Variants in AOAH observed in about 807,000 individuals in gnomAD.
The protein encoded by AOAH is acyloxyacyl hydrolase (neutrophil).
AOAH carries 64 observed loss-of-function variants against 92.2 expected under a neutral mutation model. That is an observed-to-expected ratio of 0.69 (90% CI 0.57 to 0.86). AOAH has a LOEUF of 0.86. AOAH is among the 40% of genes least tolerant of loss of function. The probability of loss-of-function intolerance (pLI) is 0.00; values close to 1 mark genes in which losing one functional copy is unlikely to be tolerated. For missense variants in AOAH, 656 were observed against 694.6 expected, an observed-to-expected ratio of 0.94 and a Z score of 0.62; for synonymous variants, 263 against 254.5, an observed-to-expected ratio of 1.03 and a Z score of -0.32.
At chr7:36,526,279 G>T (rs1293359066) in intron 19 of AOAH, among the ~76,000 whole-genome samples, 2 of 152,100 alleles carry the variant, frequency 1.3e-5, no homozygotes, top group Admixed American at 1.3e-4. Context: ...TCCCCCATAT[G>T]ATTATTATGT....
At chr7:36,647,573 C>A (rs1562655479) in intron 4 of AOAH, among the ~76,000 whole-genome samples, 1 of 152,142 alleles carries the variant, frequency 6.6e-6, no homozygotes, top group Admixed American at 6.5e-5. Flanking sequence ...TTCCACTTAT[C>A]GGAAGTCAAT....
intron 4 of AOAH, among the ~76,000 whole-genome samples, chr7:36,658,305 T>G (rs770998519): frequency 1.1e-4 from 16 of 152,222 alleles, no homozygotes; most frequent in Non-Finnish European, 2.1e-4. Context: ...CATTTTAACA[T>G]GAATAAAAAG....
chr7:36,723,265 A>G (rs1250183191), intron 1 of AOAH, among the ~76,000 whole-genome samples: 2 of 152,158 alleles, frequency 1.3e-5, no homozygotes, highest in Non-Finnish European at 2.9e-5. Context: ...CACCACTATT[A>G]TGAGAATTCC....
intron 9 of AOAH, among the ~76,000 whole-genome samples, chr7:36,620,060 A>C (rs1399776575): frequency 1.4e-5 from 2 of 146,600 alleles, no homozygotes. Context: ...TAAACCAGAA[A>C]TGAGATCTCA....
intron 20 of AOAH, among the ~76,000 whole-genome samples, chr7:36,515,184 A>G (rs1174998837): frequency 8.6e-6 from 1 of 116,022 alleles, no homozygotes; most frequent in Non-Finnish European, 1.8e-5. Flanking sequence ...CATCACACAT[A>G]CCCCCCACAC....
intron 9 of AOAH, among the ~76,000 whole-genome samples, chr7:36,618,654 G>A (rs979477838): frequency 6.6e-6 from 1 of 152,204 alleles, no homozygotes; most frequent in Non-Finnish European, 1.5e-5. Flanking sequence ...TCCACTGAGT[G>A]ACTGGACACA....
At chr7:36,608,342 A>G (rs1791155052) in intron 11 of AOAH, among the ~76,000 whole-genome samples, 1 of 152,136 alleles carries the variant, frequency 6.6e-6, no homozygotes, top group Non-Finnish European at 1.5e-5. Context: ...TTGATTCTGG[A>G]GATAAGTGAC....
At chr7:36,593,810 A>C (rs1252091613) in intron 12 of AOAH, among the ~76,000 whole-genome samples, 1 of 152,172 alleles carries the variant, frequency 6.6e-6, no homozygotes, top group Non-Finnish European at 1.5e-5. Context: ...ACACTTGCCA[A>C]GTTTCACCAG....
chr7:36,628,112 G>T (rs1792807870), intron 6 of AOAH, among the ~76,000 whole-genome samples: 1 of 152,118 alleles, frequency 6.6e-6, no homozygotes, highest in Admixed American at 6.6e-5. Flanking sequence ...TGGAGGTGGG[G>T]GCAGGACCGA....
intron 3 of AOAH, among the ~76,000 whole-genome samples, chr7:36,672,881 A>C (rs1796013001): frequency 6.7e-6 from 1 of 148,418 alleles, no homozygotes; most frequent in Non-Finnish European, 1.5e-5. Context: ...TAAAATGTTT[A>C]TAATAACATG....
At chr7:36,520,273 C>G (rs1784042030) in intron 20 of AOAH, among the ~76,000 whole-genome samples, 1 of 152,178 alleles carries the variant, frequency 6.6e-6, no homozygotes, top group African/African-American at 2.4e-5. Flanking sequence ...TAAAACAAAG[C>G]TGTCTTTGAT....
At chr7:36,705,269 G>A (rs1798321288) in intron 1 of AOAH, among the ~76,000 whole-genome samples, 1 of 152,170 alleles carries the variant, frequency 6.6e-6, no homozygotes, top group Non-Finnish European at 1.5e-5. Flanking sequence ...TCCTTAAGCT[G>A]ATAAGCAACT....
chr7:36,671,517 C>G (rs1795923135), intron 3 of AOAH, among the ~76,000 whole-genome samples: 1 of 152,170 alleles, frequency 6.6e-6, no homozygotes, highest in Non-Finnish European at 1.5e-5. Context: ...AAATGCCATG[C>G]TACGGGCTTG....
At chr7:36,699,262 A>T (rs954747638) in intron 1 of AOAH, among the ~76,000 whole-genome samples, 1 of 152,122 alleles carries the variant, frequency 6.6e-6, no homozygotes, top group Non-Finnish European at 1.5e-5. Flanking sequence ...TGCTGCAGTA[A>T]ACATGGGAGT....
At chr7:36,521,205 T>C (rs1167325472) in intron 20 of AOAH, among the ~76,000 whole-genome samples, 6 of 152,194 alleles carry the variant, frequency 3.9e-5, no homozygotes, top group African/African-American at 1.4e-4. Flanking sequence ...AGCCACACCA[T>C]GCTTCCCCCA....
intron 6 of AOAH, 63 bp from the exon 7 acceptor site, chr7:36,623,313 C>A: frequency 7.0e-7 from 1 of 1,436,846 alleles, no homozygotes; most frequent in South Asian, 1.2e-5. Flanking sequence ...TTGGTGAAAA[C>A]AAATAGAGAG....
At chr7:36,624,744 G>A (rs983096441) in intron 6 of AOAH, among the ~76,000 whole-genome samples, 2 of 152,138 alleles carry the variant, frequency 1.3e-5, no homozygotes, top group African/African-American at 4.8e-5. Flanking sequence ...AGCACCCGTG[G>A]GTGACCCCTT....
chr7:36,590,639 C>T (rs757803252), intron 12 of AOAH, among the ~76,000 whole-genome samples: 1 of 152,218 alleles, frequency 6.6e-6, no homozygotes, highest in African/African-American at 2.4e-5. Context: ...TTCCAAAGGA[C>T]GCTGTTGACA....
chr7:36,703,997 C>T (rs1408773935), intron 1 of AOAH, among the ~76,000 whole-genome samples: 1 of 152,114 alleles, frequency 6.6e-6, no homozygotes, highest in Non-Finnish European at 1.5e-5. Flanking sequence ...TTAATGATCA[C>T]CATTCTAACT....
Sources: gnomAD v4.1 joint callset for allele counts (sites outside exome capture counted in the v4.1 genomes callset) on GRCh38, gnomAD v4.1.1 for gene constraint, MANE v1.5 for transcripts, NCBI Gene and HGNC (gene_info 2026-07-23, HGNC 2026-07-21) for gene names.